Variants in SLC12A2 observed in about 807,000 individuals in gnomAD.
SLC12A2 encodes the protein solute carrier family 12 member 2.
In SLC12A2, 67 loss-of-function variants were observed where a neutral mutation model predicts 136.3. The ratio of observed to expected loss-of-function variants is 0.49; its 90% CI spans 0.40 to 0.60. The LOEUF (loss-of-function observed/expected upper bound fraction) is 0.60. SLC12A2 is among the 20% of genes least tolerant of loss of function. SLC12A2 has a pLI of 0.00. For missense variants in SLC12A2, 1,322 were observed against 1,534.7 expected (o/e 0.86, Z 2.32); for synonymous variants, 619 against 562.9 (o/e 1.10, Z -1.41).
intron 11 of SLC12A2, among the ~76,000 whole-genome samples, chr5:128,148,274 T>C (rs1489312365): frequency 6.6e-6 from 1 of 151,758 alleles, no homozygotes; most frequent in Non-Finnish European, 1.5e-5. Flanking sequence ...ATGTTGATTC[T>C]GCAGTCTTGT....
intron 22 of SLC12A2, among the ~76,000 whole-genome samples, chr5:128,180,056 G>T (rs539165075): frequency 1.5e-5 from 2 of 132,620 alleles, no homozygotes; most frequent in African/African-American, 5.5e-5. Flanking sequence ...TGAAAGCTCC[G>T]CCTCCCGGGT....
At position 128,139,934 on chromosome 5, in the gene SLC12A2, A is replaced by G. The variant is rs1397590213; in HGVS notation, c.1621+1026A>G. 7.2e-5 allele frequency among the ~76,000 whole-genome samples: 11 copies of G among 152,344 alleles called. No individual in the cohort carries two copies. In the East Asian group the frequency reaches 2.1e-3, roughly 29 times the overall value. The stretch of plus-strand genomic sequence containing the variant: ...TTAAATGTAATTTTGAAATTTCACT[A>G]CATGACAGAAATACTAATAATATCA... On this transcript the variant is annotated intron_variant, in intron 9 of 26. Transcript: ENST00000262461.
chr5:128,154,998 G>T (rs1216820315), intron 15 of SLC12A2, among the ~76,000 whole-genome samples: 2 of 150,506 alleles, frequency 1.3e-5, no homozygotes, highest in Non-Finnish European at 3.0e-5. Flanking sequence ...TATTCAAATT[G>T]CCAGCATCAC....
chr5:128,131,280 A>G (rs527697445), intron 5 of SLC12A2, 74 bp downstream of exon 5: 366 of 1,467,620 alleles, frequency 2.5e-4, no homozygotes, highest in Non-Finnish European at 2.8e-4. Context: ...ACCATGTTAG[A>G]GGTTGGGAAA....
intron 18 of SLC12A2, chr5:128,168,978 TTAATG>T (rs1214585135): frequency 3.3e-5 from 5 of 152,234 alleles, no homozygotes; most frequent in African/African-American, 1.2e-4. Context: ...TTGTGGATGT[TTAATG>T]TAATCTACCA....
chr5:128,086,279 A>T (rs1760096455), intron 1 of SLC12A2, among the ~76,000 whole-genome samples: 1 of 152,150 alleles, frequency 6.6e-6, no homozygotes, highest in Non-Finnish European at 1.5e-5. Context: ...AAAGCACTTC[A>T]AGTTCTCCAA....
At position 128,084,832 on chromosome 5, in the gene SLC12A2, T is replaced by A; in HGVS notation, c.756+122T>A. Reference sequence around the variant, plus strand: ...AGTAGACGTGCACGACTTGCTGGCATCTCTGGATTCAGCTGTCAAGGGTGG... The same window carrying A: ...AGTAGACGTGCACGACTTGCTGGCAACTCTGGATTCAGCTGTCAAGGGTGG... On this transcript the variant is annotated intron_variant, in intron 1 of 26. Coordinates refer to ENST00000262461, the MANE Select transcript of SLC12A2 (RefSeq NM_001046.3). This position sits in a 1 kb window ranked among gnomAD's most constrained non-coding sequence, Gnocchi z 5.6. 1 of 1,091,820 alleles carries A rather than the reference T, an allele frequency of 9.2e-7. No homozygotes were observed. Among genetic ancestry groups the A allele is most frequent in the Non-Finnish European group, 1.3e-6 (1 of 785,004 alleles). 67.6% of individuals were successfully genotyped at this position (1,091,820 alleles called of 1,614,324 possible).
intron 17 of SLC12A2, 35 bp from the exon 18 acceptor site, chr5:128,167,726 T>G: frequency 6.4e-6 from 9 of 1,401,376 alleles, no homozygotes; most frequent in Non-Finnish European, 9.0e-6. Flanking sequence ...TTGAAAATAA[T>G]ATATCTGTAA....
At chr5:128,121,516 G>T (rs1761578165) in intron 4 of SLC12A2, among the ~76,000 whole-genome samples, 1 of 152,062 alleles carries the variant, frequency 6.6e-6, no homozygotes, top group Admixed American at 6.5e-5. Flanking sequence ...TAGAGATGGG[G>T]TTTCATTGTG....
chr5:128,111,856 C>T (rs1761160064), intron 1 of SLC12A2, among the ~76,000 whole-genome samples: 1 of 150,856 alleles, frequency 6.6e-6, no homozygotes, highest in African/African-American at 2.4e-5. Context: ...AGAGAGAATT[C>T]ACTAAAGGAT....
chr5:128,169,415 A>G (rs1219023015), intron 18 of SLC12A2: 2 of 152,146 alleles, frequency 1.3e-5, no homozygotes, highest in African/African-American at 4.8e-5. Context: ...TATTAGTGAC[A>G]TTTGAAAAGT....
At chr5:128,136,609 C>T (rs1435330702) in intron 7 of SLC12A2, among the ~76,000 whole-genome samples, 2 of 151,958 alleles carry the variant, frequency 1.3e-5, no homozygotes, top group Non-Finnish European at 2.9e-5. Context: ...AATTTTTTGT[C>T]CTCTGCTTCA....
At chr5:128,177,627 G>GA (rs1763576436) in intron 21 of SLC12A2, 2 of 154,282 alleles carry the variant, frequency 1.3e-5, no homozygotes, top group South Asian at 4.0e-4. Context: ...AATTTTATGA[G>GA]AAGGAGATAG....
intron 1 of SLC12A2, among the ~76,000 whole-genome samples, chr5:128,096,576 C>T (rs924604709): frequency 2.0e-5 from 3 of 151,686 alleles, no homozygotes; most frequent in African/African-American, 7.3e-5. Context: ...AAAATAAAAC[C>T]GTCATGAGAA....
chr5:128,185,524 A>G (rs549997322), intron 26 of SLC12A2, among the ~76,000 whole-genome samples: 12 of 142,306 alleles, frequency 8.4e-5, no homozygotes, highest in Non-Finnish European at 1.4e-4. Context: ...ACAACATTCA[A>G]TAAATCAAAA....
At chr5:128,118,041 C>T (rs1761416950) in intron 4 of SLC12A2, among the ~76,000 whole-genome samples, 1 of 151,748 alleles carries the variant, frequency 6.6e-6, no homozygotes, top group Admixed American at 6.6e-5. Flanking sequence ...GCAGGAATGG[C>T]CTTAATTAAA....
chr5:128,112,507 G>C (rs1761188497), intron 1 of SLC12A2, among the ~76,000 whole-genome samples: 1 of 152,170 alleles, frequency 6.6e-6, no homozygotes, highest in African/African-American at 2.4e-5. Flanking sequence ...TAGCTACCCT[G>C]TAATTAGCAA....
At chr5:128,130,440 A>G (rs914725481) in intron 4 of SLC12A2, among the ~76,000 whole-genome samples, 2 of 147,248 alleles carry the variant, frequency 1.4e-5, no homozygotes, top group Non-Finnish European at 3.0e-5. Flanking sequence ...ACATGAACCC[A>G]GCAGGTGGAG....
chr5:128,086,344 T>TA (rs953382481), intron 1 of SLC12A2, among the ~76,000 whole-genome samples: 2 of 152,156 alleles, frequency 1.3e-5, no homozygotes. Context: ...TCAAAGTATC[T>TA]AAAAAACAAC....
Sources: allele counts gnomAD v4.1 joint callset (sites outside exome capture counted in the v4.1 genomes callset), GRCh38; gene constraint gnomAD v4.1.1; non-coding constraint Gnocchi (gnomAD v3.1); transcripts MANE v1.5; gene names NCBI Gene and HGNC (gene_info 2026-07-23, HGNC 2026-07-21).